Variants in ZNF430 observed in about 807,000 individuals in gnomAD.
The protein encoded by ZNF430 is zinc finger protein 430.
In ZNF430, 35 loss-of-function variants were observed where a neutral mutation model predicts 56.7. The ratio of observed to expected loss-of-function variants is 0.62; its 90% CI spans 0.47 to 0.82. The LOEUF (loss-of-function observed/expected upper bound fraction) is 0.82, where lower values mean the gene tolerates loss of function less well. Among genes scored for constraint, ZNF430 ranks in the 40% least tolerant of loss-of-function variants. The pLI, the probability that ZNF430 is intolerant of heterozygous loss-of-function variation, is 0.00. For synonymous variants in ZNF430, 212 were observed against 224.3 expected (o/e 0.94, Z 0.49); for missense variants, 574 against 661.0 (o/e 0.87, Z 1.44).
intron 4 of ZNF430, among the ~76,000 whole-genome samples, chr19:21,043,700 C>T (rs1042912407): frequency 6.6e-6 from 1 of 151,986 alleles, no homozygotes; most frequent in African/African-American, 2.4e-5. Flanking sequence ...TTACTTTTGG[C>T]AGTATGGCCG....
At chr19:21,022,578 C>T (rs537686804) in intron 1 of ZNF430, among the ~76,000 whole-genome samples, 2 of 152,274 alleles carry the variant, frequency 1.3e-5, no homozygotes, top group Admixed American at 1.3e-4. Flanking sequence ...CTCCTTGTAT[C>T]TTCTCTGGGC....
chr19:21,045,521 A>G (rs1968172783), intron 4 of ZNF430, among the ~76,000 whole-genome samples: 1 of 152,158 alleles, frequency 6.6e-6, no homozygotes, highest in African/African-American at 2.4e-5. Flanking sequence ...GTGCCATGTG[A>G]CACTTAGGAG....
chr19:21,042,043 G>A (rs371234817), intron 4 of ZNF430, among the ~76,000 whole-genome samples: 2 of 152,154 alleles, frequency 1.3e-5, no homozygotes, highest in Admixed American at 6.5e-5. Context: ...TCTCACTTAC[G>A]AGTGAGAACA....
rs201046982 is a variant in ZNF430 at position 21,040,922 on chromosome 19, G to A, written c.322+6738G>A. Among the ~76,000 whole-genome samples, 9 of 152,094 alleles carry A rather than the reference G, an allele frequency of 5.9e-5. No individual in the cohort carries two copies. The East Asian group carries it at 1.2e-3, about 20-fold the overall frequency. Reference sequence around the variant, plus strand: ...TATATAATATCAGTGTTTGTCTCATGTTAGTACTTGACTTAAAGCATATTA... The same window carrying A: ...TATATAATATCAGTGTTTGTCTCATATTAGTACTTGACTTAAAGCATATTA... On this transcript the variant is annotated intron_variant, in intron 4 of 4. Transcript: ENST00000261560.
intron 4 of ZNF430, among the ~76,000 whole-genome samples, chr19:21,054,174 GCAC>G (rs1337051578): frequency 6.6e-6 from 1 of 151,816 alleles, no homozygotes; most frequent in Non-Finnish European, 1.5e-5. Context: ...AATGTTTTCT[GCAC>G]CATTATAATA....
intron 4 of ZNF430, among the ~76,000 whole-genome samples, chr19:21,045,210 T>C (rs1023932618): frequency 1.3e-5 from 2 of 152,232 alleles, no homozygotes; most frequent in Non-Finnish European, 1.5e-5. Context: ...TGTGGCTATG[T>C]AGTGCTATAA....
At chr19:21,036,528 G>A (rs1466819056) in intron 4 of ZNF430, 1 of 151,838 alleles carries the variant, frequency 6.6e-6, no homozygotes, top group African/African-American at 2.4e-5. Context: ...ATCTATTTAG[G>A]TGTACCTTTT....
At chr19:21,039,672 G>T (rs1368397272) in intron 4 of ZNF430, among the ~76,000 whole-genome samples, 2 of 151,776 alleles carry the variant, frequency 1.3e-5, no homozygotes, top group East Asian at 1.9e-4. Context: ...CACTATGTTG[G>T]CCAGGTTGGT....
chr19:21,040,751 C>T (rs1324431276), intron 4 of ZNF430, among the ~76,000 whole-genome samples: 1 of 152,002 alleles, frequency 6.6e-6, no homozygotes, highest in African/African-American at 2.4e-5. Flanking sequence ...TTGATGTCTA[C>T]AATTATTGTG....
intron 2 of ZNF430, among the ~76,000 whole-genome samples, chr19:21,031,401 G>A (rs757860751): frequency 1.5e-4 from 23 of 152,146 alleles, no homozygotes; most frequent in Non-Finnish European, 7.4e-5. Flanking sequence ...CTCAGGGCCC[G>A]TTCTGTTTGG....
Position 21,057,565 on chromosome 19 carries a change from T to C in ZNF430, c.1257T>C (p.His419=). Residue 419 remains histidine (H), a synonymous_variant, in exon 5 of 5, where the codon CAT becomes CAC. Transcript: ENST00000261560. ...ATTGGTCCTCGACCCTTACTAAACATAAAAGAATTCATACTGGAGAGAAAC... is the reference window on the plus strand; with the variant it reads ...ATTGGTCCTCGACCCTTACTAAACACAAAAGAATTCATACTGGAGAGAAAC... ...GFNWSSTLTK[H]KRIHTGEKPY... The C allele has an allele frequency of 1.2e-6, 2 of 1,613,108 alleles. No individual in the cohort carries two copies. Among genetic ancestry groups the C allele is most frequent in the Non-Finnish European group, 1.7e-6 (2 of 1,179,856 alleles).
At chr19:21,027,096 G>A (rs1002514795) in intron 2 of ZNF430, among the ~76,000 whole-genome samples, 5 of 151,972 alleles carry the variant, frequency 3.3e-5, no homozygotes, top group Admixed American at 3.3e-4. Flanking sequence ...CCAAAGTGCT[G>A]GGATTACAGG....
At chr19:21,036,031 A>G (rs147452922) in intron 4 of ZNF430, 40 of 152,152 alleles carry the variant, frequency 2.6e-4, no homozygotes, top group African/African-American at 9.4e-4. Context: ...ATGAGTAAAT[A>G]TGTCACTTAC....
intron 4 of ZNF430, chr19:21,049,595 G>A (rs1253815113): frequency 6.7e-6 from 1 of 149,604 alleles, no homozygotes; most frequent in Non-Finnish European, 1.5e-5. Flanking sequence ...ACAGGCATGA[G>A]CCACTATGTC....
rs190872097 is a variant in ZNF430 at position 21,042,705 on chromosome 19, G to T, written c.322+8521G>T. The stretch of plus-strand genomic sequence containing the variant: ...TGGGAGGCTGAGGTAGGAGAATGGC[G>T]TGAACCTGGGAGGCAGAGCTTGCAG... On this transcript the variant is annotated intron_variant, in intron 4 of 4. Coordinates refer to ENST00000261560, the MANE Select transcript of ZNF430 (RefSeq NM_025189.4). Among the ~76,000 whole-genome samples, 77 of 151,972 alleles carry T rather than the reference G, an allele frequency of 5.1e-4. 2 individuals carry two copies. The South Asian group carries it at 0.016, about 31-fold the overall frequency.
intron 4 of ZNF430, among the ~76,000 whole-genome samples, chr19:21,051,711 G>A (rs548656025): frequency 1.6e-4 from 25 of 152,182 alleles, no homozygotes; most frequent in South Asian, 4.1e-4. Context: ...GGATGGTCTC[G>A]ATCTCTTGAC....
Position 21,034,344 on chromosome 19 carries a change from C to T in ZNF430, c.322+160C>T, listed in dbSNP as rs1967956369. 8.0e-6 allele frequency: 4 copies of T among 499,244 alleles called. No homozygotes were observed. In the East Asian group the frequency reaches 1.3e-4, roughly 16 times the overall value. 30.9% of individuals were successfully genotyped at this position (499,244 alleles called of 1,614,324 possible). On this transcript the variant is annotated intron_variant, in intron 4 of 4. Transcript: ENST00000261560. Reference sequence around the variant, plus strand: ...TTTTGCCCTCGCATAGGGTCATCTTCTGTCTTATGCTTTTAAATTCAAGGA... The same window carrying T: ...TTTTGCCCTCGCATAGGGTCATCTTTTGTCTTATGCTTTTAAATTCAAGGA...
intron 4 of ZNF430, among the ~76,000 whole-genome samples, chr19:21,048,949 AC>A (rs1307406433): frequency 1.3e-5 from 2 of 152,064 alleles, no homozygotes; most frequent in African/African-American, 4.8e-5. Context: ...TAATCCCAAC[AC>A]TTTGGGAGGC....
intron 3 of ZNF430, 101 bp from the exon 4 acceptor site, chr19:21,033,985 A>C (rs1388789785): frequency 1.2e-6 from 1 of 845,142 alleles, no homozygotes; most frequent in East Asian, 2.8e-5. Context: ...TTTTAGGATT[A>C]ATTTTCTAGA....
Sources: gnomAD v4.1 joint callset for allele counts (sites outside exome capture counted in the v4.1 genomes callset) on GRCh38, gnomAD v4.1.1 for gene constraint, MANE v1.5 for transcripts, NCBI Gene and HGNC (gene_info 2026-07-23, HGNC 2026-07-21) for gene names.